Variants in NASP observed in about 807,000 individuals in gnomAD.
NASP encodes nuclear autoantigenic sperm protein.
A neutral mutation model predicts 89.5 loss-of-function variants in NASP; 24 were observed. The ratio of observed to expected loss-of-function variants is 0.27; its 90% confidence interval spans 0.19 to 0.38. The LOEUF (loss-of-function observed/expected upper bound fraction) is 0.38, where lower values mean the gene tolerates loss of function less well. NASP is among the 10% of genes least tolerant of loss of function. NASP has a pLI of 1.00. For missense variants in NASP, 848 were observed against 921.4 expected, an observed-to-expected ratio of 0.92 and a Z score of 1.03; for synonymous variants, 306 against 324.7, an observed-to-expected ratio of 0.94 and a Z score of 0.62.
At chr1:45,614,430 AT>A in intron 9 of NASP, 64 bp downstream of exon 9, 5 of 1,293,980 alleles carry the variant, frequency 3.9e-6, no homozygotes, top group Non-Finnish European at 5.6e-6. Context: ...CCTCTAATAG[AT>A]TCTCTGGAAC....
chr1:45,607,344 G>A lies in NASP; in HGVS notation c.433G>A (p.Glu145Lys). Residue 145 changes from glutamate (E) to lysine (K), a missense_variant, in exon 6 of 15, where the codon GAA becomes AAA. Glu to Lys is a moderately conservative substitution (Grantham distance 56, BLOSUM62 1). Around this residue, in one of 5 missense-constraint regions of NASP, gnomAD observed 464 missense variants for 469.4 expected, o/e 0.99. Coordinates refer to ENST00000350030, the MANE Select transcript of NASP (RefSeq NM_002482.4). ...AGAGGAAGCAAGGGAAGAGTTGAGAGAACAGGTTTATGACGCCATGGGAGA... is the reference window on the plus strand; with the variant it reads ...AGAGGAAGCAAGGGAAGAGTTGAGAAAACAGGTTTATGACGCCATGGGAGA... ...IDEEAREELR[E>K]QVYDAMGEKE... 1 of 1,614,050 alleles carries A rather than the reference G, an allele frequency of 6.2e-7. No individual in the cohort carries two copies. Among genetic ancestry groups the A allele is most frequent in the Non-Finnish European group, 8.5e-7 (1 of 1,179,960 alleles).
In NASP at chr1:45,618,509, G is replaced by A; in HGVS notation, c.*368G>A. On this transcript the variant is annotated 3_prime_UTR_variant, in exon 15 of 15. Transcript: ENST00000350030. Reference sequence around the variant, plus strand: ...TTCAGTGGTGCTGTCCCTGGATGGGGGCTACAAAAACAAGAATTGGTGAAG... The same window carrying A: ...TTCAGTGGTGCTGTCCCTGGATGGGAGCTACAAAAACAAGAATTGGTGAAG... 2 of 175,756 alleles carry A rather than the reference G, an allele frequency of 1.1e-5. No homozygotes were observed. Among genetic ancestry groups the A allele is most frequent in the South Asian group, 1.3e-4 (1 of 7,752 alleles). The allele number at this position is 175,756 out of a possible 1,614,324, so 10.9% of individuals were successfully genotyped here. A position where few individuals can be genotyped will look rare whatever the true frequency, so the allele number is the denominator to read the frequency against.
chr1:45,584,728 T>C (rs936400807), intron 1 of NASP, among the ~76,000 whole-genome samples: 1 of 152,068 alleles, frequency 6.6e-6, no homozygotes, highest in Admixed American at 6.6e-5. Flanking sequence ...GTGCGTTCGC[T>C]TCCCTCGCCG....
intron 3 of NASP, among the ~76,000 whole-genome samples, chr1:45,603,681 C>T (rs1643878749): frequency 6.8e-6 from 1 of 146,394 alleles, no homozygotes; most frequent in Non-Finnish European, 1.5e-5. Context: ...GCGATGTCAG[C>T]TCACTGCAAC....
At chr1:45,599,998 G>A (rs150869995) in intron 2 of NASP, among the ~76,000 whole-genome samples, 29 of 98,148 alleles carry the variant, frequency 3.0e-4, no homozygotes, top group Admixed American at 6.0e-4. Flanking sequence ...TAAGTTCTCT[G>A]CTTCAATTTG....
chr1:45,610,066 G>T (rs944374385), intron 6 of NASP: 1 of 152,166 alleles, frequency 6.6e-6, no homozygotes. Context: ...GGACGTGGTG[G>T]CATGCGCCTG....
rs1557646570 is a variant in NASP at position 45,586,288 on chromosome 1, TGTGTGTGTGTGTGTGTGTGTG to T, written c.59+2098_59+2118del. Among the ~76,000 whole-genome samples, 38 of 95,780 alleles carry T rather than the reference TGTGTGTGTGTGTGTGTGTGTG, an allele frequency of 4.0e-4. 1 individual carries two copies. Among genetic ancestry groups the T allele is most frequent in the African/African-American group, 1.6e-3 (33 of 20,428 alleles). The allele number at this position is 95,780 out of a possible 152,430, so 62.8% of individuals were successfully genotyped here. ...TGTGTGTGTGTGTGTGTGTGTGGTG[TGTGTGTGTGTGTGTGTGTGTG>T]GTGTGTGTGTGTGTCACCCAGGCTG... On this transcript the variant is annotated intron_variant, in intron 1 of 14. Coordinates refer to ENST00000350030, the MANE Select transcript of NASP (RefSeq NM_002482.4).
intron 1 of NASP, among the ~76,000 whole-genome samples, chr1:45,588,208 A>G (rs774203677): frequency 6.6e-6 from 1 of 152,018 alleles, no homozygotes; most frequent in Admixed American, 6.6e-5. Flanking sequence ...GGTTCAAGCA[A>G]TTCTCCTGCC....
At chr1:45,604,852 A>G in intron 3 of NASP, 84 bp from the exon 4 acceptor site, 3 of 1,050,100 alleles carry the variant, frequency 2.9e-6, no homozygotes, top group South Asian at 1.4e-5. Flanking sequence ...TACTGGAGAA[A>G]TATCAATTTA....
In NASP at chr1:45,607,834, A is replaced by C; in HGVS notation, c.923A>C (p.Asp308Ala). 6.2e-7 allele frequency: 1 copy of C among 1,614,152 alleles called. No homozygotes were observed. The highest frequency in any genetic ancestry group is 8.5e-7 in the Non-Finnish European group (1 of 1,180,024). ...TTAGACCCGACAGTCAAGCCAGTGGATGTGGGTGGGGACGAGCCAGAGGAG... is the reference window on the plus strand; with the variant it reads ...TTAGACCCGACAGTCAAGCCAGTGGCTGTGGGTGGGGACGAGCCAGAGGAG... ...ESLDPTVKPV[D>A]VGGDEPEEKV... Residue 308 changes from aspartate (D) to alanine (A), a missense_variant, in exon 6 of 15, where the codon GAT (aspartate) becomes GCT (alanine). Physicochemically the swap from Asp to Ala is moderately radical, Grantham distance 126. Around this residue, in one of 5 missense-constraint regions of NASP, gnomAD observed 464 missense variants for 469.4 expected, o/e 0.99. Coordinates refer to ENST00000350030, the MANE Select transcript of NASP (RefSeq NM_002482.4).
At chr1:45,587,661 C>CATATATATATATATAT (rs1553169239) in intron 1 of NASP, among the ~76,000 whole-genome samples, 18 of 6,394 alleles carry the variant, frequency 2.8e-3, no homozygotes, top group African/African-American at 0.01. Context: ...TGAGTTTTTT[C>CATATATATATATATAT]ATATATATAT....
chr1:45,593,869 T>A (rs1017489456), intron 2 of NASP, among the ~76,000 whole-genome samples: 5 of 148,968 alleles, frequency 3.4e-5, no homozygotes, highest in African/African-American at 1.2e-4. Flanking sequence ...AAAAAAAAAT[T>A]TTTTTTTTAA....
chr1:45,587,051 G>C (rs990988739), intron 1 of NASP, among the ~76,000 whole-genome samples: 10 of 152,250 alleles, frequency 6.6e-5, no homozygotes, highest in Admixed American at 5.9e-4. Flanking sequence ...TTGGACCACA[G>C]TTTTGTCGTC....
chr1:45,609,078 G>T (rs1459196524), intron 6 of NASP, among the ~76,000 whole-genome samples: 16 of 152,092 alleles, frequency 1.1e-4, no homozygotes, highest in Non-Finnish European at 1.5e-5. Flanking sequence ...ATTATAAAGT[G>T]TGGATGCTTT....
In NASP at chr1:45,607,351, T is replaced by C; in HGVS notation, c.440T>C (p.Val147Ala). The stretch of plus-strand genomic sequence containing the variant: ...GCAAGGGAAGAGTTGAGAGAACAGG[T>C]TTATGACGCCATGGGAGAAAAAGAA... ...EEAREELREQ[V>A]YDAMGEKEEA... The change falls in exon 6 of 15, where the codon GTT (valine) becomes GCT (alanine). Residue 147 changes from valine to alanine, a missense_variant. Val to Ala is a moderately conservative substitution (Grantham distance 64, BLOSUM62 0). This residue lies in a region of NASP where 464 missense variants were observed against 469.4 expected (regional missense o/e 0.99). Transcript: ENST00000350030. The C allele has an allele frequency of 6.2e-7, 1 of 1,614,028 alleles. No individual in the cohort carries two copies. Among genetic ancestry groups the C allele is most frequent in the Non-Finnish European group, 8.5e-7 (1 of 1,179,954 alleles).
In NASP at chr1:45,605,166, C is replaced by A. The variant is rs150712016; in HGVS notation, c.299+150C>A. 147 of 648,970 alleles carry A rather than the reference C, an allele frequency of 2.3e-4. 1 individual carries two copies. The East Asian group carries it at 3.8e-3, about 17-fold the overall frequency. 40.2% of individuals were successfully genotyped at this position (648,970 alleles called of 1,614,324 possible). Reference sequence around the variant, plus strand: ...TGGAAGTTGTGAATGGCACTTGATACAATTAGTAGTTATATTTAAGTTTTG... The same window carrying A: ...TGGAAGTTGTGAATGGCACTTGATAAAATTAGTAGTTATATTTAAGTTTTG... On this transcript the variant is annotated intron_variant, in intron 4 of 14. Coordinates refer to ENST00000350030, the MANE Select transcript of NASP (RefSeq NM_002482.4).
intron 7 of NASP, 114 bp from the exon 8 acceptor site, chr1:45,613,982 A>G: frequency 1.3e-6 from 1 of 758,392 alleles, no homozygotes; most frequent in Non-Finnish European, 2.2e-6. Flanking sequence ...GATTTTAGGG[A>G]GAAAGTCCAA....
intron 5 of NASP, 51 bp from the exon 6 acceptor site, chr1:45,607,270 T>C (rs1164848302): frequency 6.4e-7 from 1 of 1,569,838 alleles, no homozygotes; most frequent in East Asian, 2.2e-5. Context: ...TTTATGCCTT[T>C]ATCATTAAAC....
rs1296699871 is a variant in NASP at position 45,584,055 on chromosome 1, T to C, written c.-92T>C. 1.6e-6 allele frequency: 2 copies of C among 1,271,796 alleles called. No individual in the cohort carries two copies. Among genetic ancestry groups the C allele is most frequent in the Non-Finnish European group, 2.2e-6 (2 of 905,436 alleles). The allele number at this position is 1,271,796 out of a possible 1,614,324, so 78.8% of individuals were successfully genotyped here. A position where few individuals can be genotyped will look rare whatever the true frequency, so the allele number is the denominator to read the frequency against. ...CCGCGCGGGGTCTCTAATCTGCCAT[T>C]TTCTGTCCCTGAGTGAGTCTCTGGC... is the stretch of plus-strand genomic sequence containing the variant. On this transcript the variant is annotated 5_prime_UTR_variant, in exon 1 of 15. Transcript: ENST00000350030.
Sources: allele counts gnomAD v4.1 joint callset (sites outside exome capture counted in the v4.1 genomes callset), GRCh38; gene constraint gnomAD v4.1.1; regional missense constraint gnomAD v4.1.1; transcripts MANE v1.5; gene names NCBI Gene and HGNC (gene_info 2026-07-23, HGNC 2026-07-21).